Variants in SLC17A1 observed in about 807,000 individuals in gnomAD.
SLC17A1 encodes the protein solute carrier family 17 member 1.
SLC17A1 carries 51 observed loss-of-function variants against 53.5 expected under a neutral mutation model. The ratio of observed to expected loss-of-function variants is 0.95; its 90% CI spans 0.76 to 1.20. The LOEUF is 1.20. Ranked by LOEUF, SLC17A1 falls within the 50% of genes most tolerant of loss-of-function variation. The pLI, the probability that SLC17A1 is intolerant of heterozygous loss-of-function variation, is 0.00. For synonymous variants in SLC17A1, 179 were observed against 198.8 expected (o/e 0.90, Z 0.84); for missense variants, 538 against 568.2 (o/e 0.95, Z 0.54).
At chr6:25,733,794 GTGTGTGTGTGTA>G in the SLC17A1 span, among the ~76,000 whole-genome samples, 82 of 128,700 alleles carry the variant, frequency 6.4e-4, no homozygotes, top group African/African-American at 1.5e-3. Context: ...GTGTGTGTGT[GTGTGTGTGTGTA>G]TGTGTGTGTG....
intron 6 of SLC17A1, among the ~76,000 whole-genome samples, chr6:25,817,128 C>T (rs3778275): frequency 1.1e-4 from 16 of 149,922 alleles, no homozygotes; most frequent in African/African-American, 3.7e-4. Flanking sequence ...GGATTACAGG[C>T]GTGAGCCACT....
At chr6:25,819,945 A>T in intron 3 of SLC17A1, 30 bp from the exon 4 acceptor site, 1 of 1,431,470 alleles carries the variant, frequency 7.0e-7, no homozygotes, top group East Asian at 2.3e-5. Flanking sequence ...ATGTCGAATC[A>T]CTCTGCATAT....
chr6:25,779,103 A>T, downstream of SLC17A1: 4 of 1,613,908 alleles, frequency 2.5e-6, no homozygotes, highest in Non-Finnish European at 3.4e-6. Flanking sequence ...GCTGCTGTTA[A>T]CATATCGGGC....
chr6:25,794,039 C>A (rs535314821), intron 12 of SLC17A1, among the ~76,000 whole-genome samples: 3 of 152,298 alleles, frequency 2.0e-5, no homozygotes, highest in African/African-American at 7.2e-5. Context: ...AAGTTCATAG[C>A]TGCTTGTTCC....
the SLC17A1 span, chr6:25,776,513 T>C: frequency 7.4e-6 from 11 of 1,487,534 alleles, no homozygotes; most frequent in East Asian, 2.5e-4. Flanking sequence ...AAGCCACAAA[T>C]GTGGACAGTC....
intron 8 of SLC17A1, among the ~76,000 whole-genome samples, chr6:25,812,290 C>G (rs1297303981): frequency 1.3e-5 from 2 of 152,158 alleles, no homozygotes; most frequent in Non-Finnish European, 2.9e-5. Flanking sequence ...GACTCCATTT[C>G]TAAAGGAGTC....
the SLC17A1 span, chr6:25,727,242 G>T: frequency 4.3e-6 from 7 of 1,613,378 alleles, no homozygotes; most frequent in Non-Finnish European, 5.1e-6. Flanking sequence ...GGCTAAACAT[G>T]CTGTGTCTGA....
At chr6:25,783,272 C>A (rs568519576) in intron 12 of SLC17A1, 54 bp from the exon 13 acceptor site, 4 of 152,216 alleles carry the variant, frequency 2.6e-5, no homozygotes, top group Admixed American at 1.3e-4. Context: ...ATTTGTGAGT[C>A]CTTGTACACA....
the SLC17A1 span, chr6:25,726,998 G>A: frequency 1.2e-6 from 2 of 1,614,212 alleles, no homozygotes; most frequent in African/African-American, 2.7e-5. Context: ...AAGGCAAAAA[G>A]CGCAAGAGGA....
chr6:25,747,111 G>C, the SLC17A1 span, among the ~76,000 whole-genome samples: 2 of 152,178 alleles, frequency 1.3e-5, no homozygotes, highest in East Asian at 3.9e-4. Context: ...CTGCAGAAAG[G>C]ATGCCAGTAT....
At chr6:25,784,974 T>C (rs982948213) in intron 12 of SLC17A1, among the ~76,000 whole-genome samples, 3 of 152,134 alleles carry the variant, frequency 2.0e-5, no homozygotes, top group South Asian at 2.1e-4. Context: ...AGTAAAACTA[T>C]ATCTTACAAA....
At chr6:25,831,670 A>C (rs1194448508) in intron 1 of SLC17A1, among the ~76,000 whole-genome samples, 1 of 152,142 alleles carries the variant, frequency 6.6e-6, no homozygotes, top group African/African-American at 2.4e-5. Flanking sequence ...ACACACACAT[A>C]AATGATGGGC....
chr6:25,808,596 CATAA>C (rs1490332112), intron 10 of SLC17A1, among the ~76,000 whole-genome samples: 4 of 151,920 alleles, frequency 2.6e-5, no homozygotes, highest in South Asian at 4.1e-4. Context: ...GGAAAAAAGA[CATAA>C]ATAGACATTT....
At chr6:25,760,291 T>G in the SLC17A1 span, among the ~76,000 whole-genome samples, 2 of 152,330 alleles carry the variant, frequency 1.3e-5, no homozygotes, top group Middle Eastern at 6.8e-3. Context: ...TTTATTTTTT[T>G]ATTAGCTTGA....
intron 10 of SLC17A1, among the ~76,000 whole-genome samples, chr6:25,805,236 A>G (rs1326102686): frequency 6.6e-6 from 1 of 152,100 alleles, no homozygotes; most frequent in Non-Finnish European, 1.5e-5. Context: ...ACTAGAAATC[A>G]ACTACAAAAG....
At chr6:25,769,522 C>T in the SLC17A1 span, among the ~76,000 whole-genome samples, 1 of 150,692 alleles carries the variant, frequency 6.6e-6, no homozygotes, top group Non-Finnish European at 1.5e-5. Context: ...CGTGCCACTG[C>T]ACTCCGGTCT....
chr6:25,761,460 C>G, the SLC17A1 span, among the ~76,000 whole-genome samples: 1 of 152,200 alleles, frequency 6.6e-6, no homozygotes, highest in African/African-American at 2.4e-5. Flanking sequence ...AGACATCTAA[C>G]TCGGTGGAGA....
At chr6:25,783,927 G>C (rs1430452025) in intron 12 of SLC17A1, among the ~76,000 whole-genome samples, 2 of 151,922 alleles carry the variant, frequency 1.3e-5, no homozygotes, top group African/African-American at 4.8e-5. Context: ...CTGGTTAATA[G>C]GTGTCCAGAT....
the SLC17A1 span, among the ~76,000 whole-genome samples, chr6:25,724,779 C>A: frequency 6.6e-6 from 1 of 152,260 alleles, no homozygotes; most frequent in African/African-American, 2.4e-5. Flanking sequence ...TTGCCATGTT[C>A]TAAATATTAC....
Sources: allele counts gnomAD v4.1 joint callset (sites outside exome capture counted in the v4.1 genomes callset), GRCh38; gene constraint gnomAD v4.1.1; transcripts MANE v1.5; gene names NCBI Gene and HGNC (gene_info 2026-07-23, HGNC 2026-07-21).